COL5A2: variants seen among roughly 807,000 people sequenced by gnomAD.
COL5A2 encodes the protein collagen type V alpha 2 chain.
A neutral mutation model predicts 208.2 loss-of-function variants in COL5A2; 23 were observed. The observed-to-expected ratio is 0.11, with a 90% CI of 0.08 to 0.16. The LOEUF is 0.16. Ranked by LOEUF, COL5A2 falls within the 10% of genes least tolerant of loss-of-function variation. COL5A2 has a pLI of 1.00. For missense variants in COL5A2, 1,590 were observed against 1,956.4 expected, an observed-to-expected ratio of 0.81 and a Z score of 3.53; for synonymous variants, 625 against 628.5, an observed-to-expected ratio of 0.99 and a Z score of 0.08.
the COL5A2 span, among the ~76,000 whole-genome samples, chr2:189,417,354 A>C: frequency 6.6e-6 from 1 of 152,100 alleles, no homozygotes; most frequent in Non-Finnish European, 1.5e-5. Flanking sequence ...TAATTATTCC[A>C]TTTTAATGAT....
At chr2:189,399,049 A>G in the COL5A2 span, among the ~76,000 whole-genome samples, 1 of 152,210 alleles carries the variant, frequency 6.6e-6, no homozygotes, top group East Asian at 1.9e-4. Context: ...GCATATAGTT[A>G]GCATTGGTTA....
At chr2:189,319,243 G>A in the COL5A2 span, among the ~76,000 whole-genome samples, 84 of 151,948 alleles carry the variant, frequency 5.5e-4, no homozygotes, top group African/African-American at 1.9e-3. Context: ...CGTGAGCGGC[G>A]CAGAAGATGG....
At chr2:189,230,130 T>G (rs959685933), upstream of COL5A2, among the ~76,000 whole-genome samples, 2 of 151,946 alleles carry the variant, frequency 1.3e-5, no homozygotes, top group African/African-American at 4.8e-5. Flanking sequence ...CTGGATATTT[T>G]CATGCAAAAG....
the COL5A2 span, among the ~76,000 whole-genome samples, chr2:189,416,493 T>C: frequency 6.6e-6 from 1 of 151,946 alleles, no homozygotes; most frequent in Non-Finnish European, 1.5e-5. Flanking sequence ...TTCTCACTCA[T>C]AGGTGGGAAT....
the COL5A2 span, among the ~76,000 whole-genome samples, chr2:189,404,524 A>G: frequency 2.0e-5 from 3 of 152,186 alleles, no homozygotes; most frequent in Non-Finnish European, 4.4e-5. Context: ...TCCCCTGGTT[A>G]TAACAGACCT....
chr2:189,398,091 A>C, the COL5A2 span, among the ~76,000 whole-genome samples: 1 of 152,034 alleles, frequency 6.6e-6, no homozygotes, highest in Non-Finnish European at 1.5e-5. Flanking sequence ...TCACTTAGAA[A>C]TTTTCTAGTT....
At chr2:189,045,111 T>C in intron 47 of COL5A2, 68 bp downstream of exon 47, 1 of 1,058,180 alleles carries the variant, frequency 9.5e-7, no homozygotes, top group East Asian at 2.6e-5. Flanking sequence ...GAATCTTAAA[T>C]TATACTTCTT....
At chr2:189,044,664 G>C (rs952836637) in intron 47 of COL5A2, among the ~76,000 whole-genome samples, 4 of 151,988 alleles carry the variant, frequency 2.6e-5, no homozygotes, top group Non-Finnish European at 5.9e-5. Context: ...TACCTGATGG[G>C]CATGAAAAGC....
intron 1 of COL5A2, among the ~76,000 whole-genome samples, chr2:189,152,860 T>C (rs1559127518): frequency 6.6e-6 from 1 of 152,254 alleles, no homozygotes; most frequent in East Asian, 1.9e-4. Flanking sequence ...AGATGGGGAA[T>C]TTTATTTATC....
At chr2:189,383,446 T>C in the COL5A2 span, among the ~76,000 whole-genome samples, 1 of 152,148 alleles carries the variant, frequency 6.6e-6, no homozygotes, top group Non-Finnish European at 1.5e-5. Flanking sequence ...CATCTCTAAA[T>C]ACAGTAAACT....
At chr2:189,246,124 C>T in the COL5A2 span, among the ~76,000 whole-genome samples, 8 of 152,040 alleles carry the variant, frequency 5.3e-5, no homozygotes, top group South Asian at 4.1e-4. Context: ...ATATTTCAAC[C>T]TTCCTAGAAA....
upstream of COL5A2, among the ~76,000 whole-genome samples, chr2:189,226,541 C>T (rs570061699): frequency 4.4e-4 from 67 of 152,174 alleles, 1 homozygote; most frequent in African/African-American, 1.5e-3. Flanking sequence ...TTCGATTCTC[C>T]CTGGTGAGAG....
the COL5A2 span, among the ~76,000 whole-genome samples, chr2:189,330,576 T>TG: frequency 6.6e-6 from 1 of 152,152 alleles, no homozygotes; most frequent in African/African-American, 2.4e-5. Context: ...AGCAGGCCTG[T>TG]GAAGCAGACA....
At chr2:189,402,303 C>T in the COL5A2 span, among the ~76,000 whole-genome samples, 47 of 152,256 alleles carry the variant, frequency 3.1e-4, no homozygotes, top group East Asian at 7.3e-3. Flanking sequence ...CTGCAACCTC[C>T]GACTCCCTGG....
rs200554257 is a variant in COL5A2 at position 189,033,479 on chromosome 2, G to GTT, written c.*589_*590dup. The GTT allele has an allele frequency of 4.3e-5, 6 of 140,300 alleles. No individual in the cohort carries two copies. The highest frequency in any genetic ancestry group is 7.2e-5 in the Admixed American group (1 of 13,964). 8.7% of individuals were successfully genotyped at this position (140,300 alleles called of 1,614,324 possible). On this transcript the variant is annotated 3_prime_UTR_variant, in exon 54 of 54. Coordinates refer to ENST00000374866, the MANE Select transcript of COL5A2 (RefSeq NM_000393.5). ...AATTCTATTTAAGACAGTGAGAAAC[G>GTT]TTTTTTTTTTTTTAAGATTCTCCTT...
At chr2:189,404,227 T>C in the COL5A2 span, among the ~76,000 whole-genome samples, 1 of 152,172 alleles carries the variant, frequency 6.6e-6, no homozygotes, top group African/African-American at 2.4e-5. Context: ...CTGGAAGAGA[T>C]TAGCATTTGA....
upstream of COL5A2, among the ~76,000 whole-genome samples, chr2:189,180,516 A>C (rs1377147155): frequency 1.3e-5 from 2 of 152,148 alleles, no homozygotes; most frequent in African/African-American, 4.8e-5. Context: ...CTTTGGATGA[A>C]AAAAGGCTTG....
At chr2:189,050,840 C>T (rs1184680867) in intron 42 of COL5A2, among the ~76,000 whole-genome samples, 164 bp from the exon 43 acceptor site, 1 of 152,070 alleles carries the variant, frequency 6.6e-6, no homozygotes, top group South Asian at 2.1e-4. Flanking sequence ...TTGTAATCCG[C>T]ACAGAACCTC....
At chr2:189,313,142 G>A in the COL5A2 span, among the ~76,000 whole-genome samples, 56 of 151,920 alleles carry the variant, frequency 3.7e-4, no homozygotes, top group Non-Finnish European at 5.6e-4. Context: ...CTGACAAGAC[G>A]GGAGCAGACA....
Sources: gnomAD v4.1 joint callset for allele counts (sites outside exome capture counted in the v4.1 genomes callset) on GRCh38, gnomAD v4.1.1 for gene constraint, MANE v1.5 for transcripts, NCBI Gene and HGNC (gene_info 2026-07-23, HGNC 2026-07-21) for gene names.